Variants in DOCK4 observed in about 807,000 individuals in gnomAD.
DOCK4 encodes the protein dedicator of cytokinesis protein 4.
DOCK4 carries 97 observed loss-of-function variants against 268.1 expected under a neutral mutation model. That is an observed-to-expected ratio of 0.36 (90% CI 0.31 to 0.43). DOCK4 has a LOEUF of 0.43. Among genes scored for constraint, DOCK4 ranks in the 20% least tolerant of loss-of-function variants. The pLI is 1.00. For missense variants in DOCK4, 2,145 were observed against 2,455.7 expected, an observed-to-expected ratio of 0.87 and a Z score of 2.67; for synonymous variants, 954 against 887.2, an observed-to-expected ratio of 1.08 and a Z score of -1.34.
intron 39 of DOCK4, among the ~76,000 whole-genome samples, chr7:111,764,479 A>G (rs1225988573): frequency 6.6e-6 from 1 of 152,204 alleles, no homozygotes; most frequent in Non-Finnish European, 1.5e-5. Context: ...ATGTTTTTGT[A>G]CAAGGAAGGT....
chr7:112,164,724 G>A (rs564068351), intron 1 of DOCK4, among the ~76,000 whole-genome samples: 1 of 152,298 alleles, frequency 6.6e-6, no homozygotes, highest in Middle Eastern at 3.4e-3. Flanking sequence ...CATGCTAAAT[G>A]CATTGCATGC....
At chr7:111,984,481 T>A (rs960437026) in intron 6 of DOCK4, 91 bp from the exon 7 acceptor site, 15 of 1,051,386 alleles carry the variant, frequency 1.4e-5, no homozygotes, top group Admixed American at 4.2e-5. Flanking sequence ...ACTTGGAAAT[T>A]AGGTATATCA....
chr7:111,735,358 C>A (rs866260257), intron 50 of DOCK4, among the ~76,000 whole-genome samples, 191 bp from the exon 51 acceptor site: 10 of 152,288 alleles, frequency 6.6e-5, no homozygotes, highest in Middle Eastern at 3.4e-3. Flanking sequence ...TTTAACTGGG[C>A]GCTAACAAGT....
At chr7:111,953,878 G>C (rs1248003616) in intron 8 of DOCK4, 1 of 152,196 alleles carries the variant, frequency 6.6e-6, no homozygotes, top group Non-Finnish European at 1.5e-5. Context: ...TTATCAACTA[G>C]CCTTTGTCTG....
chr7:111,977,247 G>C lies in DOCK4; in HGVS notation c.586C>G (p.Gln196Glu). 2 of 1,607,704 alleles carry C rather than the reference G, an allele frequency of 1.2e-6. No individual in the cohort carries two copies. Among genetic ancestry groups the C allele is most frequent in the Non-Finnish European group, 1.7e-6 (2 of 1,176,958 alleles). Residue 196 changes from glutamine (Q) to glutamate (E), a missense_variant, in exon 8 of 53, where the codon CAG becomes GAG. Around this residue, in one of 2 missense-constraint regions of DOCK4, gnomAD observed 1,598 missense variants for 1,986.7 expected, o/e 0.80. Transcript: ENST00000428084. ...ACAAAGAGGTGGTGACTGCTGGCCT[G>C]CACCGGGGTGTCTTTCTTCCGATGT... ...HRHRKKDTPVQASSHHLFVQM... is the reference protein window; with the variant it reads ...HRHRKKDTPVEASSHHLFVQM...
chr7:111,801,388 C>G (rs1800267983), intron 30 of DOCK4, among the ~76,000 whole-genome samples: 1 of 152,206 alleles, frequency 6.6e-6, no homozygotes, highest in Admixed American at 6.5e-5. Context: ...TTCTTTCTTG[C>G]CTGTTAAACT....
chr7:111,902,874 A>G (rs1336313631), intron 13 of DOCK4, among the ~76,000 whole-genome samples: 1 of 151,916 alleles, frequency 6.6e-6, no homozygotes, highest in Non-Finnish European at 1.5e-5. Context: ...GGTTCCCACC[A>G]TTCTCCTGCC....
At chr7:112,080,982 A>C (rs1808528366) in intron 1 of DOCK4, among the ~76,000 whole-genome samples, 1 of 152,186 alleles carries the variant, frequency 6.6e-6, no homozygotes. Context: ...ACAATATAAA[A>C]GAAATTGTTA....
At chr7:112,143,400 C>A (rs889459586) in intron 1 of DOCK4, among the ~76,000 whole-genome samples, 10 of 152,078 alleles carry the variant, frequency 6.6e-5, no homozygotes, top group African/African-American at 2.4e-4. Flanking sequence ...CAAAGCAATT[C>A]TTTGAATATT....
intron 1 of DOCK4, among the ~76,000 whole-genome samples, chr7:112,096,659 C>T (rs555864271): frequency 6.7e-4 from 102 of 152,286 alleles, no homozygotes; most frequent in Admixed American, 2.6e-3. Context: ...AAGAATCTAA[C>T]GCCTTTGAAT....
intron 26 of DOCK4, among the ~76,000 whole-genome samples, chr7:111,823,332 G>A (rs1240329241): frequency 1.3e-5 from 2 of 149,164 alleles, no homozygotes; most frequent in East Asian, 2.0e-4. Context: ...TCAGCCTCCC[G>A]AGTAGCTGAG....
intron 1 of DOCK4, among the ~76,000 whole-genome samples, chr7:112,119,263 C>T (rs1179103275): frequency 3.3e-5 from 5 of 152,108 alleles, no homozygotes; most frequent in African/African-American, 2.4e-5. Flanking sequence ...TAGAAGCCTC[C>T]GCCCCATTCC....
chr7:111,947,391 T>C (rs1795702422), intron 8 of DOCK4, among the ~76,000 whole-genome samples: 1 of 152,240 alleles, frequency 6.6e-6, no homozygotes, highest in African/African-American at 2.4e-5. Context: ...CTTTTACTTA[T>C]GTCTATTGCT....
chr7:112,082,297 A>G (rs769676959), intron 1 of DOCK4, among the ~76,000 whole-genome samples: 2 of 152,180 alleles, frequency 1.3e-5, no homozygotes, highest in African/African-American at 2.4e-5. Flanking sequence ...TTGTAATGTC[A>G]GTAGAGGAAA....
At chr7:112,155,581 A>G (rs1011811073) in intron 1 of DOCK4, among the ~76,000 whole-genome samples, 2 of 152,204 alleles carry the variant, frequency 1.3e-5, no homozygotes, top group African/African-American at 4.8e-5. Context: ...CATATAAACT[A>G]GTATTATGGT....
At chr7:111,992,543 A>C (rs184447032) in intron 5 of DOCK4, among the ~76,000 whole-genome samples, 71 of 152,322 alleles carry the variant, frequency 4.7e-4, no homozygotes, top group Non-Finnish European at 2.9e-4. Flanking sequence ...TTTCCCAGTT[A>C]CTCAGAACAC....
chr7:111,885,880 C>T (rs1034462971), intron 16 of DOCK4, among the ~76,000 whole-genome samples: 3 of 152,144 alleles, frequency 2.0e-5, no homozygotes, highest in African/African-American at 7.2e-5. Flanking sequence ...GTAGTAGTCT[C>T]ATCTTCTTTG....
At chr7:111,817,653 T>C (rs1169314088) in intron 27 of DOCK4, among the ~76,000 whole-genome samples, 1 of 152,244 alleles carries the variant, frequency 6.6e-6, no homozygotes, top group Non-Finnish European at 1.5e-5. Flanking sequence ...ATCCTATCCC[T>C]GCTTGCCCAA....
At chr7:112,013,644 G>A (rs902995363) in intron 1 of DOCK4, among the ~76,000 whole-genome samples, 2 of 152,142 alleles carry the variant, frequency 1.3e-5, no homozygotes, top group Non-Finnish European at 2.9e-5. Context: ...TCAAAACAAC[G>A]CAAGCATCCT....
Sources: allele counts gnomAD v4.1 joint callset (sites outside exome capture counted in the v4.1 genomes callset), GRCh38; gene constraint gnomAD v4.1.1; regional missense constraint gnomAD v4.1.1; transcripts MANE v1.5; gene names NCBI Gene and HGNC (gene_info 2026-07-23, HGNC 2026-07-21).